The following CRHR2 variants were observed in gnomAD, a reference collection of about 807,000 sequenced individuals.
CRHR2 encodes the protein corticotropin-releasing hormone receptor 2.
Under a neutral mutation model 57.9 loss-of-function variants are expected in CRHR2, and 53 were observed. The observed-to-expected ratio is 0.92, with a 90% confidence interval of 0.73 to 1.15. The LOEUF (loss-of-function observed/expected upper bound fraction) is 1.15, where lower values mean the gene tolerates loss of function less well. Among genes scored for constraint, CRHR2 ranks in the 50% most tolerant of loss-of-function variants. The pLI is 0.00. For synonymous variants in CRHR2, 213 were observed against 220.9 expected (o/e 0.96, Z 0.32); for missense variants, 532 against 542.6 (o/e 0.98, Z 0.19).
intron 2 of CRHR2, among the ~76,000 whole-genome samples, chr7:30,668,581 T>C (rs1784258048): frequency 1.3e-5 from 2 of 152,196 alleles, no homozygotes; most frequent in Admixed American, 6.5e-5. Context: ...AAGCAGTGTG[T>C]TCTGAAATAA....
intron 11 of CRHR2, among the ~76,000 whole-genome samples, chr7:30,654,132 T>C (rs547217446): frequency 4.5e-4 from 69 of 152,354 alleles, no homozygotes; most frequent in African/African-American, 1.5e-3. Flanking sequence ...GCTCTCTGTC[T>C]TGGTCATTTC....
chr7:30,664,889 A>G (rs576019745), intron 5 of CRHR2, among the ~76,000 whole-genome samples, 181 bp downstream of exon 5: 72 of 152,018 alleles, frequency 4.7e-4, no homozygotes, highest in African/African-American at 1.6e-3. Flanking sequence ...GTGGAGTTGC[A>G]GAAGTTCAAC....
chr7:30,671,635 CAAAA>C (rs11305836), intron 2 of CRHR2, among the ~76,000 whole-genome samples: 13,180 of 105,060 alleles, frequency 0.13, 1,154 homozygotes, highest in African/African-American at 0.27. Context: ...CCCCATCTCT[CAAAA>C]AAAAAAAAAA....
Position 30,660,714 on chromosome 7 carries a change from C to T in CRHR2, c.759-69G>A, listed in dbSNP as rs111825370. The stretch of plus-strand genomic sequence containing the variant: ...TGGGGGACCCCCACAGACTTGGGCC[C>T]AGGGTCCTCCAGCTTTACCCTTCCT... On this transcript the variant is annotated intron_variant, in intron 7 of 11. Coordinates refer to ENST00000471646, the MANE Select transcript of CRHR2 (RefSeq NM_001883.5). 1.2e-5 allele frequency: 18 copies of T among 1,443,826 alleles called. No individual in the cohort carries two copies. The African/African-American group carries it at 2.0e-4, about 16-fold the overall frequency. The allele number at this position is 1,443,826 out of a possible 1,614,324, so 89.4% of individuals were successfully genotyped here. A position where few individuals can be genotyped will look rare whatever the true frequency, so the allele number is the denominator to read the frequency against.
At chr7:30,667,166 G>C in intron 3 of CRHR2, 62 bp downstream of exon 3, 1 of 1,491,754 alleles carries the variant, frequency 6.7e-7, no homozygotes, top group African/African-American at 1.4e-5. Context: ...GATCTTCTCT[G>C]CTCAACCTGA....
At chr7:30,667,124 G>A in intron 3 of CRHR2, 104 bp downstream of exon 3, 2 of 970,196 alleles carry the variant, frequency 2.1e-6, no homozygotes, top group Non-Finnish European at 3.3e-6. Context: ...GGGAGTGACT[G>A]GGTGACAAAA....
At chr7:30,682,519 G>T, upstream of CRHR2, 1 of 1,262,188 alleles carries the variant, frequency 7.9e-7, no homozygotes, top group Non-Finnish European at 9.9e-7. Flanking sequence ...GCTCCGCCGC[G>T]GCCAATGGCT....
chr7:30,662,318 C>T, intron 6 of CRHR2, 102 bp from the exon 7 acceptor site: 1 of 1,386,154 alleles, frequency 7.2e-7, no homozygotes. Context: ...CATGTTTTTA[C>T]TCTTCCAACA....
At chr7:30,671,183 T>C (rs768073861) in intron 2 of CRHR2, among the ~76,000 whole-genome samples, 4 of 152,196 alleles carry the variant, frequency 2.6e-5, no homozygotes, top group Non-Finnish European at 5.9e-5. Context: ...AAATTGATTC[T>C]CTATGATGTT....
intron 10 of CRHR2, 89 bp from the exon 11 acceptor site, chr7:30,655,169 G>A (rs1040569471): frequency 7.1e-7 from 1 of 1,411,702 alleles, no homozygotes; most frequent in African/African-American, 1.4e-5. Context: ...AAGATGGTGG[G>A]GGGGGGACAA....
intron 11 of CRHR2, 145 bp downstream of exon 11, chr7:30,654,894 T>G (rs754495934): frequency 6.4e-7 from 1 of 1,551,164 alleles, no homozygotes; most frequent in East Asian, 2.4e-5. Context: ...GTGAGAAGGA[T>G]TCCTGTTCCC....
intron 8 of CRHR2, among the ~76,000 whole-genome samples, chr7:30,660,292 G>A (rs1255853857): frequency 2.0e-5 from 3 of 152,210 alleles, no homozygotes; most frequent in East Asian, 1.9e-4. Context: ...GTGTCAGACC[G>A]GGAGGGCACA....
At chr7:30,681,413 C>G (rs1013230900) in intron 2 of CRHR2, among the ~76,000 whole-genome samples, 1 of 152,196 alleles carries the variant, frequency 6.6e-6, no homozygotes, top group Non-Finnish European at 1.5e-5. Flanking sequence ...GTCCTCCCCA[C>G]GAAACATGCG....
Position 30,653,335 on chromosome 7 carries a change from G to T in CRHR2, c.*125C>A. On this transcript the variant is annotated 3_prime_UTR_variant, in exon 12 of 12. Coordinates refer to ENST00000471646, the MANE Select transcript of CRHR2 (RefSeq NM_001883.5). This position sits in a 1 kb window ranked among gnomAD's most constrained non-coding sequence, Gnocchi z 5.0. The stretch of plus-strand genomic sequence containing the variant: ...TTGGCTGCCGCACCCCCTCTTTCCT[G>T]CCAGGCTGGAGAGCTGGTCTCTCCC... 2.2e-6 allele frequency: 3 copies of T among 1,392,782 alleles called. No homozygotes were observed. Among genetic ancestry groups the T allele is most frequent in the Non-Finnish European group, 2.9e-6 (3 of 1,033,356 alleles). The allele number at this position is 1,392,782 out of a possible 1,614,324, so 86.3% of individuals were successfully genotyped here.
chr7:30,655,762 G>A, intron 9 of CRHR2, 47 bp from the exon 10 acceptor site: 3 of 1,598,408 alleles, frequency 1.9e-6, no homozygotes, highest in Non-Finnish European at 2.6e-6. Context: ...CGGCAGGCAG[G>A]GCCTCACCCA....
intron 7 of CRHR2, 129 bp downstream of exon 7, chr7:30,662,027 C>A: frequency 1.1e-6 from 1 of 929,710 alleles, no homozygotes; most frequent in South Asian, 1.7e-5. Context: ...TTAAGGACAA[C>A]AGGAACGTGG....
intron 1 of CRHR2, among the ~76,000 whole-genome samples, chr7:30,694,148 C>G (rs1279943410): frequency 6.6e-6 from 1 of 152,260 alleles, no homozygotes; most frequent in Non-Finnish European, 1.5e-5. Context: ...CCATGGCCCC[C>G]TCAGCCAGGT....
intron 2 of CRHR2, among the ~76,000 whole-genome samples, chr7:30,687,756 C>T (rs1293907211): frequency 1.3e-5 from 2 of 152,190 alleles, no homozygotes; most frequent in Non-Finnish European, 2.9e-5. Flanking sequence ...GTGCCACCTG[C>T]TGGAGGGAGG....
At chr7:30,672,643 G>A (rs1784400020) in intron 2 of CRHR2, among the ~76,000 whole-genome samples, 1 of 152,214 alleles carries the variant, frequency 6.6e-6, no homozygotes, top group Non-Finnish European at 1.5e-5. Flanking sequence ...GACACCATGG[G>A]TAGGCTGACC....
Sources: allele counts gnomAD v4.1 joint callset (sites outside exome capture counted in the v4.1 genomes callset), GRCh38; gene constraint gnomAD v4.1.1; non-coding constraint Gnocchi (gnomAD v3.1); transcripts MANE v1.5; gene names NCBI Gene and HGNC (gene_info 2026-07-23, HGNC 2026-07-21).